Variants in MIS12 observed in about 807,000 individuals in gnomAD.
The protein encoded by MIS12 is protein MIS12 homolog.
Under a neutral mutation model 16.5 loss-of-function variants are expected in MIS12, and 13 were observed. That is an observed-to-expected ratio of 0.79 (90% CI 0.51 to 1.25). MIS12 has a LOEUF of 1.25. Ranked by LOEUF, MIS12 falls within the 50% of genes most tolerant of loss-of-function variation. MIS12 has a pLI of 0.00. For missense variants in MIS12, 199 were observed against 239.5 expected (o/e 0.83, Z 1.12); for synonymous variants, 97 against 87.3 (o/e 1.11, Z -0.62).
chr17:5,488,572 T>C lies in MIS12; in HGVS notation c.-58T>C. 2.9e-6 allele frequency: 1 copy of C among 339,532 alleles called. No homozygotes were observed. The highest frequency in any genetic ancestry group is 5.5e-6 in the Non-Finnish European group (1 of 183,284). 21.0% of individuals were successfully genotyped at this position (339,532 alleles called of 1,614,324 possible). A position where few individuals can be genotyped will look rare whatever the true frequency, so the allele number is the denominator to read the frequency against. On this transcript the variant is annotated 5_prime_UTR_variant, in exon 2 of 3. Coordinates refer to ENST00000611091, the MANE Select transcript of MIS12 (RefSeq NM_001258217.2). ...CTAGGATGATAATTCAGAAGACTGA[T>C]CTGTGCCAAAGTCACAGGTAAGGGA...
chr17:5,489,249 G>C lies in MIS12; in HGVS notation c.387G>C (p.Lys129Asn). The C allele has an allele frequency of 6.2e-7, 1 of 1,614,148 alleles. No homozygotes were observed. Among genetic ancestry groups the C allele is most frequent in the East Asian group, 2.2e-5 (1 of 44,880 alleles). ...TTGAACAGTTACAGGAGAAGTACAA[G>C]ACTGAATTATGTACTAAGCAGGCCC... The part of the protein sequence containing the change: ...KEIEQLQEKY[K>N]TELCTKQALL... The change falls in exon 3 of 3, where the codon AAG (lysine) becomes AAC (asparagine). Residue 129 changes from lysine (K) to asparagine (N), a missense_variant. Coordinates refer to ENST00000611091, the MANE Select transcript of MIS12 (RefSeq NM_001258217.2).
rs199731022 is a variant in MIS12 at position 5,489,699 on chromosome 17, T to TGTTCCTTA, written c.*220_*221insTTCCTTAG. ...CTACTTTGAACTAGGCTGAAGCATC[T>TGTTCCTTA]GAGTCTTCTAATAAGTGGGAAGGGA... On this transcript the variant is annotated 3_prime_UTR_variant, in exon 3 of 3. Coordinates refer to ENST00000611091, the MANE Select transcript of MIS12 (RefSeq NM_001258217.2). The TGTTCCTTA allele has an allele frequency of 0.027, 12,566 of 463,142 alleles. 221 individuals carry two copies. The highest frequency in any genetic ancestry group is 0.051 in the Middle Eastern group (90 of 1,754). The allele number at this position is 463,142 out of a possible 1,614,324, so 28.7% of individuals were successfully genotyped here.
rs1338003743 is a variant in MIS12, at chr17:5,489,235, CAGG to C, written c.376_378del (p.Glu126del). ...TCTCCAGAAAGAAATTGAACAGTTA[CAGG>C]AGAAGTACAAGACTGAATTATGTAC... On this transcript the variant is annotated inframe_deletion, in exon 3 of 3. Coordinates refer to ENST00000611091, the MANE Select transcript of MIS12 (RefSeq NM_001258217.2). The C allele has an allele frequency of 3.7e-6, 6 of 1,613,992 alleles. No individual in the cohort carries two copies. Among genetic ancestry groups the C allele is most frequent in the East Asian group, 2.2e-5 (1 of 44,896 alleles).
intron 1 of MIS12, among the ~76,000 whole-genome samples, chr17:5,487,886 G>A (rs72827608): frequency 0.11 from 16,939 of 152,184 alleles, 1,103 homozygotes; most frequent in African/African-American, 0.19. Flanking sequence ...AGATTTGACT[G>A]TACTGCTTAT....
chr17:5,489,008 G>A lies in MIS12; in HGVS notation c.146G>A (p.Gly49Asp). 6.2e-7 allele frequency: 1 copy of A among 1,614,216 alleles called. No homozygotes were observed. The highest frequency in any genetic ancestry group is 1.1e-5 in the South Asian group (1 of 91,086). ...VEQVILKKLDGIPDCDISPVQ... is the reference protein window; with the variant it reads ...VEQVILKKLDDIPDCDISPVQ... ...CAGGTTATTCTGAAGAAGCTGGATG[G>A]CATCCCAGACTGTGACATTAGCCCA... Residue 49 changes from glycine to aspartate, a missense_variant, in exon 3 of 3, where the codon GGC (glycine) becomes GAC (aspartate). Gly to Asp is a moderately conservative substitution (Grantham distance 94, BLOSUM62 -1). Transcript: ENST00000611091.
At position 5,489,149 on chromosome 17, in the gene MIS12, A is replaced by T. The variant is rs758405466; in HGVS notation, c.287A>T (p.Asn96Ile). 8.9e-5 allele frequency: 144 copies of T among 1,614,068 alleles called. No homozygotes were observed. Among genetic ancestry groups the T allele is most frequent in the Non-Finnish European group, 1.2e-4 (142 of 1,180,048 alleles). Residue 96 changes from asparagine to isoleucine, a missense_variant, in exon 3 of 3, where the codon AAC becomes ATC. Transcript: ENST00000611091. ...FLQLILRIPS[N>I]ILLPEDKCKE... is the part of the protein sequence containing the mutation. ...CAGCTGATTTTACGTATTCCCTCAAACATCTTGCTTCCTGAAGATAAATGT... is the reference window on the plus strand; with the variant it reads ...CAGCTGATTTTACGTATTCCCTCAATCATCTTGCTTCCTGAAGATAAATGT...
intron 1 of MIS12, 35 bp from the exon 2 acceptor site, chr17:5,488,161 G>C (rs566659442): frequency 6.6e-6 from 1 of 152,208 alleles, no homozygotes; most frequent in African/African-American, 2.4e-5. Flanking sequence ...AAGCTGACAA[G>C]GGACTTACTC....
At position 5,489,403 on chromosome 17, in the gene MIS12, C is replaced by T. The variant is rs1687087538; in HGVS notation, c.541C>T (p.Leu181=). ...TSDFRESLVS[L]VQNSRKLQNI... is the part of the protein sequence containing the mutation. ...TGATTTTAGGGAGAGTTTAGTATCC[C>T]TGGTTCAGAACTCCAGAAAACTACA... The change falls in exon 3 of 3, where the codon CTG becomes TTG. Residue 181 remains leucine, a synonymous_variant. Coordinates refer to ENST00000611091, the MANE Select transcript of MIS12 (RefSeq NM_001258217.2). 6.2e-7 allele frequency: 1 copy of T among 1,613,368 alleles called. No homozygotes were observed. Among genetic ancestry groups the T allele is most frequent in the African/African-American group, 1.3e-5 (1 of 74,862 alleles).
chr17:5,489,624 A>G lies in MIS12; in HGVS notation c.*144A>G. 6 of 984,192 alleles carry G rather than the reference A, an allele frequency of 6.1e-6. No individual in the cohort carries two copies. In the South Asian group the frequency reaches 1.2e-4, roughly 20 times the overall value. The allele number at this position is 984,192 out of a possible 1,614,324, so 61.0% of individuals were successfully genotyped here. A position where few individuals can be genotyped will look rare whatever the true frequency, so the allele number is the denominator to read the frequency against. Reference sequence around the variant, plus strand: ...ATTTGCTTTGTCAACTCTTTCTTGTATTCTGTGTTTTCCTCTTTTTTGGTC... The same window carrying G: ...ATTTGCTTTGTCAACTCTTTCTTGTGTTCTGTGTTTTCCTCTTTTTTGGTC... On this transcript the variant is annotated 3_prime_UTR_variant, in exon 3 of 3. Coordinates refer to ENST00000611091, the MANE Select transcript of MIS12 (RefSeq NM_001258217.2).
rs145954479 is a variant in MIS12 at position 5,489,093 on chromosome 17, C to T, written c.231C>T (p.Asn77=). The T allele has an allele frequency of 1.9e-6, 3 of 1,614,200 alleles. No individual in the cohort carries two copies. The highest frequency in any genetic ancestry group is 2.5e-6 in the Non-Finnish European group (3 of 1,180,028). ...FLCFMKGHFD[N]LFSKMEQLFL... is the part of the protein sequence containing the mutation. ...GCTTCATGAAAGGACATTTTGATAA[C>T]CTTTTTAGCAAAATGGAGCAACTGT... The change falls in exon 3 of 3, where the codon AAC becomes AAT. Residue 77 remains asparagine (N), a synonymous_variant. Transcript: ENST00000611091.
chr17:5,486,419 G>C (rs1042064585), upstream of MIS12: 5 of 435,776 alleles, frequency 1.1e-5, no homozygotes, highest in Admixed American at 2.0e-4. Flanking sequence ...CGGGAAAAAC[G>C]AGTAAGTACA....
At chr17:5,486,459 A>T (rs891483018), upstream of MIS12, 5 of 282,742 alleles carry the variant, frequency 1.8e-5, no homozygotes, top group Admixed American at 2.1e-4. Flanking sequence ...CGCCGGCCAC[A>T]GCTAACTTTC....
At position 5,489,456 on chromosome 17, in the gene MIS12, A is replaced by G. The variant is rs1906621883; in HGVS notation, c.594A>G (p.Glu198=). ...ACATTAGAGACAATGTGGAAAAGGA[A>G]TCGAAACGACTGAAAATATCTTAAT... ...LQNIRDNVEK[E]SKRLKIS is the part of the protein sequence containing the mutation. Residue 198 remains glutamate, a synonymous_variant, in exon 3 of 3, where the codon GAA becomes GAG. Coordinates refer to ENST00000611091, the MANE Select transcript of MIS12 (RefSeq NM_001258217.2). 6.3e-7 allele frequency: 1 copy of G among 1,589,266 alleles called. No individual in the cohort carries two copies. Among genetic ancestry groups the G allele is most frequent in the Non-Finnish European group, 8.5e-7 (1 of 1,172,952 alleles).
In MIS12 at chr17:5,489,501, G is replaced by A. The variant is rs1358046286; in HGVS notation, c.*21G>A. 6.4e-7 allele frequency: 1 copy of A among 1,554,686 alleles called. No homozygotes were observed. Among genetic ancestry groups the A allele is most frequent in the Non-Finnish European group, 8.6e-7 (1 of 1,157,730 alleles). On this transcript the variant is annotated 3_prime_UTR_variant, in exon 3 of 3. Transcript: ENST00000611091. ...CTTAATTGCTCAGTAGTCAAAAGGA[G>A]GAGCCTGTCAAAAAGTAGAATCATA...
rs1051359473 is a variant in MIS12 at position 5,490,126 on chromosome 17, G to C, written c.*646G>C. The C allele has an allele frequency of 1.2e-4, 20 of 167,076 alleles. No homozygotes were observed. Among genetic ancestry groups the C allele is most frequent in the African/African-American group, 4.8e-4 (20 of 41,442 alleles). 10.3% of individuals were successfully genotyped at this position (167,076 alleles called of 1,614,324 possible). On this transcript the variant is annotated 3_prime_UTR_variant, in exon 3 of 3. Coordinates refer to ENST00000611091, the MANE Select transcript of MIS12 (RefSeq NM_001258217.2). Reference sequence around the variant, plus strand: ...ATTACACTGCGGAACAGCCAACATAGAGTACTTGCTCTCGTCCTGTGAATT... The same window carrying C: ...ATTACACTGCGGAACAGCCAACATACAGTACTTGCTCTCGTCCTGTGAATT...
intron 1 of MIS12, chr17:5,487,087 G>A (rs774999680): frequency 6.6e-6 from 1 of 152,284 alleles, no homozygotes; most frequent in African/African-American, 2.4e-5. Context: ...TTCGAAGAAA[G>A]GAGTTAATCA....
rs1906577620 is a variant in MIS12 at position 5,488,982 on chromosome 17, A to G, written c.120A>G (p.Glu40=). ...DYLFEVMQAV[E]QVILKKLDGI... ...TATTTGAAGTGATGCAGGCCGTTGA[A>G]CAGGTTATTCTGAAGAAGCTGGATG... Residue 40 remains glutamate (E), a synonymous_variant, in exon 3 of 3, where the codon GAA becomes GAG. Transcript: ENST00000611091. 2 of 1,614,128 alleles carry G rather than the reference A, an allele frequency of 1.2e-6. No individual in the cohort carries two copies. Among genetic ancestry groups the G allele is most frequent in the Non-Finnish European group, 1.7e-6 (2 of 1,180,058 alleles).
Position 5,489,397 on chromosome 17 carries a change from G to A in MIS12, c.535G>A (p.Val179Ile). 1 of 1,613,812 alleles carries A rather than the reference G, an allele frequency of 6.2e-7. No homozygotes were observed. Among genetic ancestry groups the A allele is most frequent in the Non-Finnish European group, 8.5e-7 (1 of 1,179,902 alleles). ...GACTAGTGATTTTAGGGAGAGTTTA[G>A]TATCCCTGGTTCAGAACTCCAGAAA... The part of the protein sequence containing the change: ...HGTSDFRESL[V>I]SLVQNSRKLQ... The change falls in exon 3 of 3, where the codon GTA (valine) becomes ATA (isoleucine). Residue 179 changes from valine to isoleucine, a missense_variant. By Grantham distance (29) the Val-to-Ile change is conservative. Transcript: ENST00000611091.
At chr17:5,486,831 G>A (rs2240050) in intron 1 of MIS12, 147 bp downstream of exon 1, 7,393 of 152,702 alleles carry the variant, frequency 0.048, 236 homozygotes, top group African/African-American at 0.085. Context: ...GCGCGGGCGC[G>A]GGGCCCGACG....
Sources: allele counts gnomAD v4.1 joint callset (sites outside exome capture counted in the v4.1 genomes callset), GRCh38; gene constraint gnomAD v4.1.1; transcripts MANE v1.5; gene names NCBI Gene and HGNC (gene_info 2026-07-23, HGNC 2026-07-21).